The following GABRB3 variants were observed in gnomAD, a reference collection of about 807,000 sequenced individuals.
GABRB3 encodes gamma-aminobutyric acid type A receptor subunit beta3.
In GABRB3, 14 loss-of-function variants were observed where a neutral mutation model predicts 52.1. That is an observed-to-expected ratio of 0.27 (90% confidence interval 0.18 to 0.42). The LOEUF (loss-of-function observed/expected upper bound fraction) is 0.42, where lower values mean the gene tolerates loss of function less well. GABRB3 is among the 10% of genes least tolerant of loss of function. GABRB3 has a pLI of 1.00. For synonymous variants in GABRB3, 260 were observed against 232.3 expected (o/e 1.12, Z -1.08); for missense variants, 307 against 609.1 (o/e 0.50, Z 5.22).
chr15:26,725,482 T>C lies in GABRB3; in HGVS notation c.240+46920A>G, dbSNP rs141919802. Among the ~76,000 whole-genome samples, 788 of 152,326 alleles carry C rather than the reference T, an allele frequency of 5.2e-3. 5 individuals are homozygous for C. Among genetic ancestry groups the C allele is most frequent in the African/African-American group, 0.018 (754 of 41,560 alleles). On this transcript the variant is annotated intron_variant, in intron 3 of 8. Transcript: ENST00000311550. ...ACCACATTGGACAAAAGCGCCAATG[T>C]TACTTGCTATGAACCTTGACCTCAT...
intron 3 of GABRB3, among the ~76,000 whole-genome samples, chr15:26,731,568 T>C (rs1889915550): frequency 6.6e-6 from 1 of 152,164 alleles, no homozygotes; most frequent in Non-Finnish European, 1.5e-5. Flanking sequence ...GACCTATTTT[T>C]GCTCCCTCCT....
intron 4 of GABRB3, among the ~76,000 whole-genome samples, chr15:26,610,212 C>T (rs2140516551): frequency 6.6e-6 from 1 of 152,122 alleles, no homozygotes; most frequent in East Asian, 1.9e-4. Context: ...TGGTTTTTGC[C>T]ATTAAAAGTA....
intron 4 of GABRB3, chr15:26,615,478 A>C (rs1219063852): frequency 2.0e-6 from 2 of 985,020 alleles, no homozygotes; most frequent in African/African-American, 3.5e-5. Context: ...GGGCTACAAG[A>C]GTCATGGGAA....
At chr15:26,680,337 G>T (rs990657358) in intron 3 of GABRB3, among the ~76,000 whole-genome samples, 1 of 152,172 alleles carries the variant, frequency 6.6e-6, no homozygotes, top group Non-Finnish European at 1.5e-5. Context: ...TCTGGAGAAG[G>T]CTGACAGGCA....
intron 7 of GABRB3, among the ~76,000 whole-genome samples, chr15:26,563,081 G>A (rs568614321): frequency 3.9e-5 from 6 of 152,224 alleles, no homozygotes; most frequent in Admixed American, 6.5e-5. Flanking sequence ...TGCCACTACC[G>A]TCTCTCCCCC....
At chr15:26,567,972 G>C (rs998091149) in intron 6 of GABRB3, among the ~76,000 whole-genome samples, 4 of 152,236 alleles carry the variant, frequency 2.6e-5, no homozygotes, top group African/African-American at 9.6e-5. Context: ...TAAACGCTCG[G>C]TTGAGAACTT....
intron 4 of GABRB3, among the ~76,000 whole-genome samples, chr15:26,585,242 G>A (rs994147494): frequency 1.3e-5 from 2 of 152,188 alleles, no homozygotes; most frequent in Non-Finnish European, 2.9e-5. Flanking sequence ...ATGAAAATGT[G>A]AGAATGCTTT....
intron 4 of GABRB3, among the ~76,000 whole-genome samples, chr15:26,585,544 C>T (rs1469890698): frequency 6.6e-6 from 1 of 152,190 alleles, no homozygotes; most frequent in Non-Finnish European, 1.5e-5. Context: ...GGTTGAGCAA[C>T]ATTCTACTTT....
chr15:26,725,334 C>T (rs1889742545), intron 3 of GABRB3, among the ~76,000 whole-genome samples: 1 of 152,132 alleles, frequency 6.6e-6, no homozygotes, highest in African/African-American at 2.4e-5. Flanking sequence ...CACCATCCCT[C>T]CCCAGAAGCT....
At chr15:26,764,131 C>A (rs1841739358) in intron 3 of GABRB3, among the ~76,000 whole-genome samples, 1 of 117,206 alleles carries the variant, frequency 8.5e-6, no homozygotes, top group Non-Finnish European at 1.7e-5. Context: ...GCCTGGGCAA[C>A]AGTGAGAGAC....
intron 6 of GABRB3, among the ~76,000 whole-genome samples, chr15:26,572,047 G>GAAAAAAAAAAAAAAAAAA (rs67382387): frequency 1.9e-5 from 1 of 53,108 alleles, no homozygotes; most frequent in Non-Finnish European, 4.0e-5. Flanking sequence ...TCCGTCTCAA[G>GAAAAAAAAAAAAAAAAAA]AAAAAAAAAA....
chr15:26,690,165 G>T (rs1340757790), intron 3 of GABRB3, among the ~76,000 whole-genome samples: 1 of 146,532 alleles, frequency 6.8e-6, no homozygotes, highest in African/African-American at 2.5e-5. Flanking sequence ...GTGTAGTGGT[G>T]CAATCATAGC....
At chr15:26,647,905 C>T (rs183205106) in intron 3 of GABRB3, among the ~76,000 whole-genome samples, 10 of 152,258 alleles carry the variant, frequency 6.6e-5, no homozygotes, top group South Asian at 2.1e-4. Context: ...CTTCTCAAAA[C>T]GGAGACAACT....
chr15:26,729,639 A>T (rs528007106), intron 3 of GABRB3, among the ~76,000 whole-genome samples: 9 of 152,142 alleles, frequency 5.9e-5, no homozygotes, highest in Non-Finnish European at 1.3e-4. Context: ...ACTTCTCCCT[A>T]TAACTTCTTG....
chr15:26,712,447 G>A (rs1290446547), intron 3 of GABRB3, among the ~76,000 whole-genome samples: 1 of 152,094 alleles, frequency 6.6e-6, no homozygotes, highest in Non-Finnish European at 1.5e-5. Context: ...GAAGCTGTGG[G>A]AAAGCAGGGG....
chr15:26,619,688 TA>T (rs1892400783), intron 4 of GABRB3, among the ~76,000 whole-genome samples: 1 of 151,534 alleles, frequency 6.6e-6, no homozygotes, highest in Non-Finnish European at 1.5e-5. Flanking sequence ...AATAAATAAA[TA>T]AAAAATAAAG....
chr15:26,689,817 G>T (rs748417418), intron 3 of GABRB3, among the ~76,000 whole-genome samples: 1 of 152,072 alleles, frequency 6.6e-6, no homozygotes, highest in Non-Finnish European at 1.5e-5. Flanking sequence ...CAAAGGGCTG[G>T]TCTGTTTAAT....
intron 3 of GABRB3, among the ~76,000 whole-genome samples, chr15:26,674,747 C>T (rs192741022): frequency 3.5e-4 from 54 of 152,166 alleles, no homozygotes; most frequent in African/African-American, 1.1e-3. Flanking sequence ...GACCTGAAAT[C>T]GTGAAATTAG....
chr15:26,690,608 A>T (rs1888558525), intron 3 of GABRB3, among the ~76,000 whole-genome samples: 2 of 151,680 alleles, frequency 1.3e-5, no homozygotes, highest in Non-Finnish European at 2.9e-5. Context: ...TAGTGGGCAC[A>T]CTCTGGTCAT....
Sources: allele counts gnomAD v4.1 joint callset (sites outside exome capture counted in the v4.1 genomes callset), GRCh38; gene constraint gnomAD v4.1.1; transcripts MANE v1.5; gene names NCBI Gene and HGNC (gene_info 2026-07-23, HGNC 2026-07-21).